The following DOCK8 variants were observed in gnomAD, a reference collection of about 807,000 sequenced individuals.
DOCK8 encodes the protein dedicator of cytokinesis 8.
Under a neutral mutation model 245.6 loss-of-function variants are expected in DOCK8, and 141 were observed. That is an observed-to-expected ratio of 0.57 (90% CI 0.50 to 0.66). DOCK8 has a LOEUF of 0.66. Among genes scored for constraint, DOCK8 ranks in the 30% least tolerant of loss-of-function variants. The probability of loss-of-function intolerance (pLI) is 0.00; values close to 1 mark genes in which losing one functional copy is unlikely to be tolerated. For missense variants in DOCK8, 2,965 were observed against 2,603.4 expected (o/e 1.14, Z -3.02); for synonymous variants, 1,168 against 970.2 (o/e 1.20, Z -3.79).
At chr9:400,923 TCAC>T (rs1290503871) in intron 26 of DOCK8, among the ~76,000 whole-genome samples, 2 of 22,268 alleles carry the variant, frequency 9.0e-5, no homozygotes, top group African/African-American at 7.0e-4. Context: ...TCCTTCACCA[TCAC>T]CACAACATCC....
At chr9:274,240 A>G (rs2048254270) in intron 2 of DOCK8, among the ~76,000 whole-genome samples, 1 of 150,342 alleles carries the variant, frequency 6.7e-6, no homozygotes, top group Non-Finnish European at 1.5e-5. Context: ...AACCAGCAAC[A>G]ATAAGTAAAA....
At chr9:452,571 A>G (rs752376377) in intron 46 of DOCK8, 10 of 156,262 alleles carry the variant, frequency 6.4e-5, no homozygotes, top group Admixed American at 3.8e-4. Flanking sequence ...TCTGAATCCA[A>G]ATAGTCCACA....
intron 1 of DOCK8, among the ~76,000 whole-genome samples, chr9:252,800 A>G (rs1488622723): frequency 6.6e-6 from 1 of 151,722 alleles, no homozygotes; most frequent in Admixed American, 6.6e-5. Context: ...TCCATCTCAA[A>G]AAAAAAAAAA....
At chr9:216,788 G>T (rs781210663) in intron 1 of DOCK8, among the ~76,000 whole-genome samples, 2 of 152,116 alleles carry the variant, frequency 1.3e-5, no homozygotes, top group Non-Finnish European at 2.9e-5. Flanking sequence ...ATGGGGTTGG[G>T]CAGGGTTGAT....
chr9:425,874 A>G (rs757788046), intron 33 of DOCK8, among the ~76,000 whole-genome samples: 3 of 152,192 alleles, frequency 2.0e-5, no homozygotes, highest in Non-Finnish European at 4.4e-5. Flanking sequence ...CCTAAACATG[A>G]AAACAAGTAA....
rs1236058950 is a variant in DOCK8, at chr9:418,106, G to A, written c.3739G>A (p.Glu1247Lys). The A allele has an allele frequency of 6.2e-7, 1 of 1,614,224 alleles. No individual in the cohort carries two copies. The highest frequency in any genetic ancestry group is 1.1e-5 in the South Asian group (1 of 91,090). ...TRRYRTSGSDEEQEGAGAINQ... is the reference protein window; with the variant it reads ...TRRYRTSGSDKEQEGAGAINQ... ...CAGATACCGCACCAGTGGCTCGGAT[G>A]AAGAACAAGAAGGAGCCGGTGCCAT... Residue 1247 changes from glutamate (E) to lysine (K), a missense_variant, in exon 30 of 48, where the codon GAA (glutamate) becomes AAA (lysine). Transcript: ENST00000432829.
At chr9:288,757 G>A (rs2048926341) in intron 3 of DOCK8, among the ~76,000 whole-genome samples, 1 of 152,156 alleles carries the variant, frequency 6.6e-6, no homozygotes, top group Non-Finnish European at 1.5e-5. Flanking sequence ...GCTGGGATTT[G>A]GGCAATTAGG....
intron 4 of DOCK8, among the ~76,000 whole-genome samples, chr9:296,325 G>C (rs191053762): frequency 1.3e-5 from 2 of 152,310 alleles, no homozygotes; most frequent in South Asian, 2.1e-4. Context: ...GAACCAAAGA[G>C]GGATAAACTT....
Position 434,800 on chromosome 9 carries a change from A to G in DOCK8, c.4904A>G (p.Gln1635Arg), listed in dbSNP as rs200869192. The change falls in exon 39 of 48, where the codon CAG (glutamine) becomes CGG (arginine). Residue 1635 changes from glutamine to arginine, a missense_variant. Around this residue, in one of 3 missense-constraint regions of DOCK8, gnomAD observed 2,825 missense variants for 2,453.5 expected, o/e 1.15. Transcript: ENST00000432829. ...GTCTTCAGAATTGCCAAGAGTTACC[A>G]GGCATCTCCTGATCTGCGGCTGACC... ...DLMYRIAKSYQASPDLRLTWL... is the reference protein window; with the variant it reads ...DLMYRIAKSYRASPDLRLTWL... 3.1e-5 allele frequency: 50 copies of G among 1,614,180 alleles called. No homozygotes were observed. In the East Asian group the frequency reaches 9.1e-4, roughly 29 times the overall value.
At chr9:391,383 A>T (rs1324385740) in intron 24 of DOCK8, among the ~76,000 whole-genome samples, 7 of 151,988 alleles carry the variant, frequency 4.6e-5, no homozygotes, top group Non-Finnish European at 1.5e-5. Flanking sequence ...TCTCTTGTGT[A>T]TTATCCCATC....
At chr9:291,830 G>T (rs1409012289) in intron 4 of DOCK8, among the ~76,000 whole-genome samples, 1 of 151,444 alleles carries the variant, frequency 6.6e-6, no homozygotes, top group East Asian at 1.9e-4. Context: ...ACTTTGGGAG[G>T]TTGAGGTAGG....
chr9:311,884 T>C, intron 5 of DOCK8, 70 bp from the exon 6 acceptor site: 2 of 1,576,634 alleles, frequency 1.3e-6, no homozygotes, highest in Non-Finnish European at 1.7e-6. Flanking sequence ...TCTTGAGACA[T>C]CCAAGATTCT....
intron 5 of DOCK8, among the ~76,000 whole-genome samples, chr9:307,344 T>G (rs1352806457): frequency 2.9e-3 from 20 of 6,956 alleles, no homozygotes; most frequent in African/African-American, 0.011. Context: ...TTTTGTTTTT[T>G]TTTTTTTTTT....
chr9:441,621 T>G (rs2057098346), intron 41 of DOCK8, among the ~76,000 whole-genome samples: 1 of 152,236 alleles, frequency 6.6e-6, no homozygotes, highest in Admixed American at 6.5e-5. Context: ...TTAAATTACT[T>G]TATAACCAGG....
chr9:322,785 G>T (rs1010563275), intron 7 of DOCK8, among the ~76,000 whole-genome samples: 1 of 152,258 alleles, frequency 6.6e-6, no homozygotes, highest in Non-Finnish European at 1.5e-5. Flanking sequence ...CAGCTGGTGA[G>T]CCTAGGCCCA....
intron 1 of DOCK8, among the ~76,000 whole-genome samples, chr9:221,982 A>G (rs1488504496): frequency 6.6e-6 from 1 of 152,050 alleles, no homozygotes; most frequent in African/African-American, 2.4e-5. Flanking sequence ...GGCTGGGCAC[A>G]GTGGCTCATG....
At chr9:338,390 A>G (rs2051418817) in intron 12 of DOCK8, among the ~76,000 whole-genome samples, 1 of 152,198 alleles carries the variant, frequency 6.6e-6, no homozygotes, top group Non-Finnish European at 1.5e-5. Flanking sequence ...GTTTCTATTC[A>G]GCATACATGT....
At chr9:352,206 T>C (rs77017153) in intron 14 of DOCK8, among the ~76,000 whole-genome samples, 3,837 of 152,218 alleles carry the variant, frequency 0.025, 165 homozygotes, top group African/African-American at 0.087. Flanking sequence ...GCAATAGGCT[T>C]CAGGGCCTAA....
Position 434,869 on chromosome 9 carries a change from A to G in DOCK8, c.4973A>G (p.Tyr1658Cys). ...MAEKHTKKKC[Y>C]TEAAMCLVHA... is the part of the protein sequence containing the mutation. ...GAGAAACACACCAAGAAGAAGTGCT[A>G]CACGGAGGCTGCCATGTGCCTGGTG... The change falls in exon 39 of 48, where the codon TAC (tyrosine) becomes TGC (cysteine). Residue 1658 changes from tyrosine (Y) to cysteine (C), a missense_variant. Tyr to Cys is a radical substitution (Grantham distance 194). Around this residue, in one of 3 missense-constraint regions of DOCK8, gnomAD observed 2,825 missense variants for 2,453.5 expected, o/e 1.15. Transcript: ENST00000432829. 1 of 1,614,120 alleles carries G rather than the reference A, an allele frequency of 6.2e-7. No individual in the cohort carries two copies. The highest frequency in any genetic ancestry group is 8.5e-7 in the Non-Finnish European group (1 of 1,180,042).
Sources: gnomAD v4.1 joint callset for allele counts (sites outside exome capture counted in the v4.1 genomes callset) on GRCh38, gnomAD v4.1.1 for gene constraint, gnomAD v4.1.1 regional missense constraint, MANE v1.5 for transcripts, NCBI Gene and HGNC (gene_info 2026-07-23, HGNC 2026-07-21) for gene names.